Variants in LY6S observed in about 807,000 individuals in gnomAD.
LY6S encodes lymphocyte antigen 6 family member S.
chr8:143,061,755 G>T, the LY6S span, among the ~76,000 whole-genome samples: 1 of 152,188 alleles, frequency 6.6e-6, no homozygotes, highest in East Asian at 1.9e-4. Flanking sequence ...GTTGGTCAAG[G>T]CTGGTCTTGA....
the LY6S span, among the ~76,000 whole-genome samples, chr8:143,064,504 T>G: frequency 9.9e-5 from 15 of 152,180 alleles, no homozygotes; most frequent in African/African-American, 3.6e-4. Flanking sequence ...ATATACCCAG[T>G]TTTTCGATTG....
At chr8:143,054,050 T>TA in the LY6S span, 5 of 152,220 alleles carry the variant, frequency 3.3e-5, no homozygotes, top group African/African-American at 1.2e-4. Flanking sequence ...CTAACGCCTG[T>TA]AATCCCAGAA....
the LY6S span, among the ~76,000 whole-genome samples, chr8:143,046,625 C>CTTGCTT: frequency 6.6e-6 from 1 of 151,484 alleles, no homozygotes; most frequent in Non-Finnish European, 1.5e-5. Flanking sequence ...CTGACTCCAT[C>CTTGCTT]TTGCTTTCTA....
At chr8:143,060,895 G>A in the LY6S span, among the ~76,000 whole-genome samples, 13 of 151,956 alleles carry the variant, frequency 8.6e-5, no homozygotes, top group South Asian at 1.7e-3. Flanking sequence ...GATGAATCAC[G>A]TAAAATATAT....
At chr8:143,058,027 T>C in the LY6S span, among the ~76,000 whole-genome samples, 1 of 152,174 alleles carries the variant, frequency 6.6e-6, no homozygotes, top group Admixed American at 6.5e-5. Context: ...AGAAAGAAAG[T>C]GGAGGCAAGT....
the LY6S span, chr8:143,043,172 G>A: frequency 1.8e-5 from 25 of 1,367,778 alleles, no homozygotes; most frequent in South Asian, 3.4e-5. Flanking sequence ...GGAGCTGTAC[G>A]CACAGGGCCC....
the LY6S span, among the ~76,000 whole-genome samples, chr8:143,076,068 T>A: frequency 6.6e-6 from 1 of 152,104 alleles, no homozygotes; most frequent in Admixed American, 6.5e-5. Flanking sequence ...TAGGACAAAA[T>A]GAAAGTACCG....
chr8:143,063,161 C>A, the LY6S span, among the ~76,000 whole-genome samples: 8 of 152,292 alleles, frequency 5.3e-5, no homozygotes, highest in African/African-American at 1.9e-4. Context: ...TGGCTTTCTA[C>A]TGAGAGGCAC....
chr8:143,068,419 A>G, the LY6S span, among the ~76,000 whole-genome samples: 1 of 152,150 alleles, frequency 6.6e-6, no homozygotes, highest in African/African-American at 2.4e-5. Context: ...TTCTATGTAG[A>G]CACAGTAACA....
chr8:143,073,135 C>T, the LY6S span, among the ~76,000 whole-genome samples: 2 of 150,670 alleles, frequency 1.3e-5, no homozygotes, highest in East Asian at 2.0e-4. Flanking sequence ...CTCGGGGTTC[C>T]TGTTTGAGGA....
chr8:143,069,877 C>T, the LY6S span, among the ~76,000 whole-genome samples: 1 of 152,196 alleles, frequency 6.6e-6, no homozygotes, highest in Non-Finnish European at 1.5e-5. Context: ...GGACAAAATA[C>T]ACGTGAATGA....
the LY6S span, among the ~76,000 whole-genome samples, chr8:143,043,713 T>C: frequency 6.6e-6 from 1 of 151,996 alleles, no homozygotes; most frequent in Admixed American, 6.5e-5. Flanking sequence ...TTTGCTCTTG[T>C]GGCCCAGGCT....
chr8:143,074,011 C>T, the LY6S span, among the ~76,000 whole-genome samples: 55 of 151,936 alleles, frequency 3.6e-4, no homozygotes, highest in Admixed American at 1.0e-3. Context: ...CCGTCGTCCC[C>T]GGGGTTCTCT....
the LY6S span, among the ~76,000 whole-genome samples, chr8:143,045,596 A>T: frequency 6.7e-6 from 1 of 149,064 alleles, no homozygotes; most frequent in Non-Finnish European, 1.5e-5. The surrounding 1 kb of genome is among the most constrained non-coding windows in gnomAD (Gnocchi z 5.3). Flanking sequence ...GCTGTACTGC[A>T]CCTCCTCTCC....
At chr8:143,058,987 T>A in the LY6S span, among the ~76,000 whole-genome samples, 1 of 152,240 alleles carries the variant, frequency 6.6e-6, no homozygotes, top group Admixed American at 6.5e-5. Context: ...GAATAAAGAG[T>A]AATTGCTACA....
chr8:143,070,324 CA>C, the LY6S span, among the ~76,000 whole-genome samples: 1 of 145,776 alleles, frequency 6.9e-6, no homozygotes, highest in Admixed American at 7.0e-5. Flanking sequence ...GAGGGGGGCA[CA>C]GTTCAGCCAT....
chr8:143,057,194 G>A, the LY6S span: 4 of 323,846 alleles, frequency 1.2e-5, no homozygotes, highest in East Asian at 8.4e-5. Context: ...GTAATATTCC[G>A]GGACTGGCTT....
At chr8:143,070,419 TA>T in the LY6S span, among the ~76,000 whole-genome samples, 2 of 108,744 alleles carry the variant, frequency 1.8e-5, no homozygotes, top group African/African-American at 4.8e-5. Flanking sequence ...TATGTATATA[TA>T]TTTATATATA....
At chr8:143,055,841 A>G in the LY6S span, among the ~76,000 whole-genome samples, 1 of 152,172 alleles carries the variant, frequency 6.6e-6, no homozygotes, top group Non-Finnish European at 1.5e-5. Context: ...CAATTTTTAA[A>G]TGGCTGCTTA....
Sources: gnomAD v4.1 joint callset for allele counts (sites outside exome capture counted in the v4.1 genomes callset) on GRCh38, gnomAD v4.1.1 for gene constraint, Gnocchi (gnomAD v3.1) non-coding constraint, MANE v1.5 for transcripts, NCBI Gene and HGNC (gene_info 2026-07-23, HGNC 2026-07-21) for gene names.